The following FRYL variants were observed in gnomAD, a reference collection of about 807,000 sequenced individuals.
FRYL encodes the protein protein furry homolog-like.
A neutral mutation model predicts 351.2 loss-of-function variants in FRYL; 150 were observed. That is an observed-to-expected ratio of 0.43 (90% CI 0.37 to 0.49). FRYL has a LOEUF of 0.49. Ranked by LOEUF, FRYL falls within the 20% of genes least tolerant of loss-of-function variation. FRYL has a pLI of 0.00. For missense variants in FRYL, 3,036 were observed against 3,619.3 expected, an observed-to-expected ratio of 0.84 and a Z score of 4.13; for synonymous variants, 1,153 against 1,257.1, an observed-to-expected ratio of 0.92 and a Z score of 1.75.
intron 54 of FRYL, 106 bp from the exon 55 acceptor site, chr4:48,521,321 G>A (rs1724846421): frequency 1.3e-6 from 1 of 766,280 alleles, no homozygotes; most frequent in Admixed American, 3.0e-5. Flanking sequence ...AAGAGCTTCT[G>A]AGATTTCCTA....
chr4:48,573,416 A>C (rs956783523), intron 25 of FRYL, among the ~76,000 whole-genome samples, 173 bp from the exon 26 acceptor site: 3 of 152,204 alleles, frequency 2.0e-5, no homozygotes, highest in Non-Finnish European at 4.4e-5. Flanking sequence ...ATTATAGACT[A>C]TTTGGAAACC....
At position 48,564,061 on chromosome 4, in the gene FRYL, C is replaced by T; in HGVS notation, c.3483G>A (p.Glu1161=). 1 of 1,614,204 alleles carries T rather than the reference C, an allele frequency of 6.2e-7. No individual in the cohort carries two copies. Among genetic ancestry groups the T allele is most frequent in the South Asian group, 1.1e-5 (1 of 91,084 alleles). The part of the protein sequence containing the change: ...LGCEAVTLLL[E]LNPDQSNLMY... ...TCAGGTTGCTCTGATCAGGGTTCAG[C>T]TCCAGTAACAACGTAACTGCTTCAC... is the stretch of plus-strand genomic sequence containing the variant. The change falls in exon 31 of 64, where the codon GAG becomes GAA. Residue 1161 remains glutamate (E), a synonymous_variant. Coordinates refer to ENST00000358350, the MANE Select transcript of FRYL (RefSeq NM_015030.2).
chr4:48,773,528 T>C (rs1775726044), intron 1 of FRYL, among the ~76,000 whole-genome samples: 1 of 152,120 alleles, frequency 6.6e-6, no homozygotes, highest in East Asian at 1.9e-4. Context: ...AATGATTATG[T>C]TAGTATAAGG....
At chr4:48,678,563 C>A (rs149763938) in intron 3 of FRYL, among the ~76,000 whole-genome samples, 66 of 138,166 alleles carry the variant, frequency 4.8e-4, no homozygotes, top group African/African-American at 1.6e-3. Context: ...AGTACAAGTA[C>A]ATTGGAAGAG....
intron 16 of FRYL, among the ~76,000 whole-genome samples, chr4:48,592,081 CTTATATATAT>C (rs1475206987): frequency 8.9e-4 from 22 of 24,832 alleles, no homozygotes; most frequent in African/African-American, 3.1e-3. Context: ...AAATAAAGCT[CTTATATATAT>C]ATATATATAT....
At chr4:48,635,285 C>T (rs1426929505) in intron 3 of FRYL, among the ~76,000 whole-genome samples, 4 of 152,058 alleles carry the variant, frequency 2.6e-5, no homozygotes, top group African/African-American at 9.7e-5. Context: ...CTCTCTGGTA[C>T]CTCTGGAGAA....
intron 1 of FRYL, among the ~76,000 whole-genome samples, chr4:48,765,980 A>G (rs910274466): frequency 4.6e-5 from 7 of 152,214 alleles, no homozygotes; most frequent in Admixed American, 1.3e-4. Context: ...TCAAACTATA[A>G]CAAGTGTTGG....
At position 48,780,247 on chromosome 4, in the gene FRYL, C is replaced by G. The variant is rs1159332167; in HGVS notation, c.-553G>C. On this transcript the variant is annotated 5_prime_UTR_variant, in exon 1 of 64. Coordinates refer to ENST00000358350, the MANE Select transcript of FRYL (RefSeq NM_015030.2). ...CGACTCTGATTTTAACCGGATTTCT[C>G]TCTCGCTCTCTCCCAGAGCCCGACG... is the stretch of plus-strand genomic sequence containing the variant. 1.3e-5 allele frequency: 2 copies of G among 152,698 alleles called. No homozygotes were observed. Among genetic ancestry groups the G allele is most frequent in the African/African-American group, 2.4e-5 (1 of 41,342 alleles). The allele number at this position is 152,698 out of a possible 1,614,324, so 9.5% of individuals were successfully genotyped here. A position where few individuals can be genotyped will look rare whatever the true frequency, so the allele number is the denominator to read the frequency against.
rs1730958997 is a variant in FRYL at position 48,544,687 on chromosome 4, T to A, written c.5401+96A>T. On this transcript the variant is annotated intron_variant, in intron 43 of 63. Coordinates refer to ENST00000358350, the MANE Select transcript of FRYL (RefSeq NM_015030.2). The stretch of plus-strand genomic sequence containing the variant: ...ATTAAAAGTCTAAAACTTTTAGAGG[T>A]ATCACAATATCAACTATTAACTTTT... The A allele has an allele frequency of 1.2e-5, 11 of 929,978 alleles. 1 individual carries two copies. In the Middle Eastern group the frequency reaches 1.1e-3, roughly 94 times the overall value. 57.6% of individuals were successfully genotyped at this position (929,978 alleles called of 1,614,324 possible).
intron 2 of FRYL, among the ~76,000 whole-genome samples, chr4:48,701,383 G>A (rs1267823028): frequency 2.0e-5 from 3 of 152,098 alleles, no homozygotes; most frequent in African/African-American, 7.2e-5. Context: ...GCAACACAAT[G>A]TATGCAGTAT....
intron 47 of FRYL, among the ~76,000 whole-genome samples, chr4:48,538,616 GCTA>G (rs1729405089): frequency 6.6e-6 from 1 of 151,920 alleles, no homozygotes. Context: ...CCCTTGCTGT[GCTA>G]CTTGTTAATC....
chr4:48,582,963 A>T (rs1041896750), intron 19 of FRYL, among the ~76,000 whole-genome samples: 2 of 152,194 alleles, frequency 1.3e-5, no homozygotes, highest in African/African-American at 4.8e-5. Context: ...TGGTGTTTTT[A>T]CTATAATCTG....
intron 26 of FRYL, chr4:48,571,667 A>G: frequency 1.0e-6 from 1 of 985,252 alleles, no homozygotes. Flanking sequence ...ATAATTTACT[A>G]ATGACTAATC....
intron 60 of FRYL, among the ~76,000 whole-genome samples, chr4:48,504,536 G>A (rs147183121): frequency 6.6e-6 from 1 of 152,256 alleles, no homozygotes; most frequent in Non-Finnish European, 1.5e-5. Context: ...TTCTGGTCTA[G>A]GGTTAATTCC....
At chr4:48,527,681 A>G (rs1726558295) in intron 52 of FRYL, 28 bp from the exon 53 acceptor site, 5 of 1,560,828 alleles carry the variant, frequency 3.2e-6, no homozygotes, top group Non-Finnish European at 3.5e-6. Context: ...AAAAAAAAAA[A>G]GTCCATCCAT....
chr4:48,542,764 T>A (rs1313529452), intron 44 of FRYL, among the ~76,000 whole-genome samples: 2 of 152,164 alleles, frequency 1.3e-5, no homozygotes, highest in African/African-American at 4.8e-5. Flanking sequence ...CACTTTCCTC[T>A]ACCTCCATAA....
intron 1 of FRYL, among the ~76,000 whole-genome samples, chr4:48,735,971 T>TAAAAAAA (rs71191254): frequency 1.2e-4 from 12 of 100,660 alleles, no homozygotes; most frequent in East Asian, 2.9e-4. Flanking sequence ...TAGAGTATAA[T>TAAAAAAA]AAAAAAAAAA....
At chr4:48,638,256 A>G (rs1456062641) in intron 3 of FRYL, 1 of 152,172 alleles carries the variant, frequency 6.6e-6, no homozygotes, top group Non-Finnish European at 1.5e-5. Context: ...TTTACATAAC[A>G]TACAATTGCT....
chr4:48,558,223 T>C (rs1177533259), intron 33 of FRYL, among the ~76,000 whole-genome samples: 1 of 152,148 alleles, frequency 6.6e-6, no homozygotes, highest in Non-Finnish European at 1.5e-5. Context: ...TAGTGGAATA[T>C]TATGCACCCT....
Sources: allele counts gnomAD v4.1 joint callset (sites outside exome capture counted in the v4.1 genomes callset), GRCh38; gene constraint gnomAD v4.1.1; transcripts MANE v1.5; gene names NCBI Gene and HGNC (gene_info 2026-07-23, HGNC 2026-07-21).